The following AGMO variants were observed in gnomAD, a reference collection of about 807,000 sequenced individuals.
AGMO encodes the protein glyceryl-ether monooxygenase.
A neutral mutation model predicts 60.2 loss-of-function variants in AGMO; 75 were observed. That is an observed-to-expected ratio of 1.25 (90% CI 1.03 to 1.51). The LOEUF (loss-of-function observed/expected upper bound fraction) is 1.51, where lower values mean the gene tolerates loss of function less well. Ranked by LOEUF, AGMO falls within the 40% of genes most tolerant of loss-of-function variation. AGMO has a pLI of 0.00. For missense variants in AGMO, 763 were observed against 525.5 expected, an observed-to-expected ratio of 1.45 and a Z score of -4.42; for synonymous variants, 261 against 177.1, an observed-to-expected ratio of 1.47 and a Z score of -3.76.
chr7:15,462,347 AAGTT>A (rs1418907256), intron 3 of AGMO, among the ~76,000 whole-genome samples: 2 of 152,108 alleles, frequency 1.3e-5, no homozygotes, highest in Non-Finnish European at 2.9e-5. Context: ...AATCTAATAA[AAGTT>A]ATTTATTGTT....
At chr7:15,478,017 T>C (rs1181860903) in intron 3 of AGMO, among the ~76,000 whole-genome samples, 2 of 152,094 alleles carry the variant, frequency 1.3e-5, no homozygotes, top group African/African-American at 4.8e-5. Context: ...CTTTCTCCTG[T>C]GTATATTGAA....
chr7:15,366,425 G>A (rs978565807), intron 10 of AGMO, among the ~76,000 whole-genome samples: 1 of 152,072 alleles, frequency 6.6e-6, no homozygotes, highest in Admixed American at 6.6e-5. Flanking sequence ...TGGAGAATTA[G>A]ACAATTCCAT....
intron 12 of AGMO, among the ~76,000 whole-genome samples, chr7:15,295,405 G>C (rs752100543): frequency 2.6e-5 from 4 of 152,040 alleles, no homozygotes; most frequent in Non-Finnish European, 5.9e-5. Flanking sequence ...AAGCAGGACA[G>C]ATTGACATTA....
chr7:15,373,381 C>A (rs750514396), intron 10 of AGMO, among the ~76,000 whole-genome samples: 32 of 152,242 alleles, frequency 2.1e-4, no homozygotes, highest in Admixed American at 1.8e-3. Flanking sequence ...ACCCTATCTA[C>A]TCCAACTTTC....
chr7:15,370,741 T>C (rs1000034588), intron 10 of AGMO, among the ~76,000 whole-genome samples: 2 of 152,190 alleles, frequency 1.3e-5, no homozygotes, highest in East Asian at 3.8e-4. Flanking sequence ...TGGCTATTTG[T>C]TTTTTTCTTG....
At chr7:15,157,168 C>T in the AGMO span, among the ~76,000 whole-genome samples, 4 of 152,112 alleles carry the variant, frequency 2.6e-5, no homozygotes, top group Non-Finnish European at 5.9e-5. Context: ...CAAAAAAACA[C>T]CCTACCTTAT....
intron 3 of AGMO, among the ~76,000 whole-genome samples, chr7:15,532,878 C>G (rs1023318894): frequency 1.3e-5 from 2 of 152,028 alleles, no homozygotes; most frequent in African/African-American, 4.8e-5. Context: ...ACAGACACAG[C>G]TACTCAGGAG....
intron 10 of AGMO, among the ~76,000 whole-genome samples, chr7:15,385,236 T>C (rs1783865233): frequency 6.6e-6 from 1 of 152,208 alleles, no homozygotes; most frequent in African/African-American, 2.4e-5. Flanking sequence ...TCAGTGAACA[T>C]TCTGCACAGA....
intron 12 of AGMO, among the ~76,000 whole-genome samples, chr7:15,360,709 G>GA (rs368908746): frequency 0.035 from 5,220 of 150,760 alleles, 116 homozygotes; most frequent in South Asian, 0.061. Context: ...AATATTTATT[G>GA]AAAAAAAAAT....
At chr7:15,338,008 T>C (rs1030330340) in intron 12 of AGMO, among the ~76,000 whole-genome samples, 3 of 152,216 alleles carry the variant, frequency 2.0e-5, no homozygotes, top group Non-Finnish European at 4.4e-5. Context: ...AGGGAAGATG[T>C]GACCAAAACT....
intron 9 of AGMO, among the ~76,000 whole-genome samples, chr7:15,385,918 C>T (rs1292153369): frequency 2.0e-5 from 3 of 152,268 alleles, no homozygotes; most frequent in South Asian, 2.1e-4. Context: ...TGGTGACTCA[C>T]GCCTGTAATC....
the AGMO span, among the ~76,000 whole-genome samples, chr7:15,117,648 G>T: frequency 6.6e-6 from 1 of 151,882 alleles, no homozygotes; most frequent in Non-Finnish European, 1.5e-5. Context: ...CATGTAACAA[G>T]TACATGTACT....
chr7:15,254,045 A>G (rs1783023567), intron 12 of AGMO, among the ~76,000 whole-genome samples: 1 of 152,054 alleles, frequency 6.6e-6, no homozygotes, highest in South Asian at 2.1e-4. Context: ...ATATGATAGA[A>G]TTTTATCATT....
At chr7:15,463,468 C>T (rs1782198492) in intron 3 of AGMO, among the ~76,000 whole-genome samples, 1 of 152,110 alleles carries the variant, frequency 6.6e-6, no homozygotes, top group Non-Finnish European at 1.5e-5. Context: ...CACATGTGCA[C>T]GTACACACAT....
At chr7:15,492,770 AG>A (rs1371726782) in intron 3 of AGMO, among the ~76,000 whole-genome samples, 3 of 152,140 alleles carry the variant, frequency 2.0e-5, no homozygotes, top group Non-Finnish European at 4.4e-5. Flanking sequence ...GAAGGCAGGA[AG>A]GTGGGGAGAA....
chr7:15,531,336 C>CTATATATATTCTATATATATTCTA (rs1562557016), intron 3 of AGMO, among the ~76,000 whole-genome samples: 2 of 82,716 alleles, frequency 2.4e-5, no homozygotes, highest in Non-Finnish European at 4.0e-5. Flanking sequence ...TATATATATT[C>CTATATATATTCTATATATATTCTA]TATATATATT....
Position 15,394,143 on chromosome 7 carries a change from T to C in AGMO, c.646A>G (p.Asn216Asp). Residue 216 changes from asparagine (N) to aspartate (D), a missense_variant, in exon 6 of 13, where the codon AAT becomes GAT. Asn to Asp is a conservative substitution (Grantham distance 23). Transcript: ENST00000342526. ...NNLGPLELIL[N>D]TPSHHRVHHG... The stretch of plus-strand genomic sequence containing the variant: ...TGAACCCTATGATGGCTAGGAGTAT[T>C]AAGAATCAGTTCCAAAGGACCAAGG... 1 of 1,612,498 alleles carries C rather than the reference T, an allele frequency of 6.2e-7. No homozygotes were observed. Among genetic ancestry groups the C allele is most frequent in the Non-Finnish European group, 8.5e-7 (1 of 1,178,780 alleles).
chr7:15,231,825 A>T (rs1274524787), intron 12 of AGMO, among the ~76,000 whole-genome samples: 1 of 152,188 alleles, frequency 6.6e-6, no homozygotes, highest in African/African-American at 2.4e-5. Context: ...TGGCTGGTAC[A>T]AAGCTGTGCA....
intron 12 of AGMO, among the ~76,000 whole-genome samples, chr7:15,244,626 C>T (rs929559010): frequency 4.9e-5 from 7 of 144,304 alleles, no homozygotes; most frequent in African/African-American, 1.6e-4. Context: ...AAAGTATTTG[C>T]TCATTCTTTT....
Sources: gnomAD v4.1 joint callset for allele counts (sites outside exome capture counted in the v4.1 genomes callset) on GRCh38, gnomAD v4.1.1 for gene constraint, MANE v1.5 for transcripts, NCBI Gene and HGNC (gene_info 2026-07-23, HGNC 2026-07-21) for gene names.